The following ZMIZ1 variants were observed in gnomAD, a reference collection of about 807,000 sequenced individuals.
ZMIZ1 encodes the protein zinc finger MIZ domain-containing protein 1.
In ZMIZ1, 17 loss-of-function variants were observed where a neutral mutation model predicts 113.9. That is an observed-to-expected ratio of 0.15 (90% CI 0.10 to 0.22). The LOEUF is 0.22. ZMIZ1 is among the 10% of genes least tolerant of loss of function. The pLI is 1.00. For missense variants in ZMIZ1, 1,059 were observed against 1,477.8 expected (o/e 0.72, Z 4.65); for synonymous variants, 607 against 603.1 (o/e 1.01, Z -0.09).
intron 24 of ZMIZ1, among the ~76,000 whole-genome samples, chr10:79,311,905 C>T (rs971854914): frequency 2.0e-5 from 3 of 152,148 alleles, no homozygotes; most frequent in African/African-American, 4.8e-5. Context: ...GGCTTGTCCT[C>T]GGCCCCTCCT....
At chr10:79,301,269 T>G (rs937822101) in intron 17 of ZMIZ1, among the ~76,000 whole-genome samples, 33 of 152,248 alleles carry the variant, frequency 2.2e-4, no homozygotes, top group African/African-American at 7.5e-4. Context: ...ATTGGTGCAG[T>G]TCTGTGTTCC....
chr10:79,311,273 GC>G, intron 24 of ZMIZ1, 89 bp downstream of exon 24: 2 of 317,890 alleles, frequency 6.3e-6, no homozygotes, highest in Non-Finnish European at 1.1e-5. Flanking sequence ...AGGGCTCGAG[GC>G]CCCGAAGGGA....
At chr10:79,105,849 A>G (rs1295837557) in intron 1 of ZMIZ1, among the ~76,000 whole-genome samples, 1 of 152,264 alleles carries the variant, frequency 6.6e-6, no homozygotes. Flanking sequence ...AATGACAAAC[A>G]TCAGGAAGAT....
chr10:79,127,611 G>A (rs922178847), intron 2 of ZMIZ1, among the ~76,000 whole-genome samples: 2 of 152,172 alleles, frequency 1.3e-5, no homozygotes, highest in African/African-American at 4.8e-5. Flanking sequence ...GGGAACTGGA[G>A]TCAGAGAAGA....
intron 7 of ZMIZ1, among the ~76,000 whole-genome samples, chr10:79,256,886 A>T (rs548532179): frequency 3.3e-5 from 5 of 152,178 alleles, no homozygotes; most frequent in African/African-American, 1.2e-4. Context: ...TAGTTTTTCC[A>T]TTAAGAAAAT....
chr10:79,258,252 T>C (rs910559901), intron 7 of ZMIZ1, among the ~76,000 whole-genome samples: 9 of 152,152 alleles, frequency 5.9e-5, no homozygotes, highest in Non-Finnish European at 1.2e-4. Flanking sequence ...GGGGTGGTTA[T>C]GCACGCCTGT....
chr10:79,181,681 C>A (rs1847127457), intron 4 of ZMIZ1, among the ~76,000 whole-genome samples: 2 of 152,346 alleles, frequency 1.3e-5, no homozygotes, highest in Admixed American at 6.5e-5. Flanking sequence ...TTTGTGACCC[C>A]CTCTGGGCCT....
chr10:79,187,105 G>T (rs931067490), intron 4 of ZMIZ1, among the ~76,000 whole-genome samples: 7 of 152,222 alleles, frequency 4.6e-5, no homozygotes, highest in African/African-American at 1.7e-4. Flanking sequence ...GGAAATCAGT[G>T]ATGTCATCTT....
chr10:79,231,352 A>G (rs1413562011), intron 7 of ZMIZ1, among the ~76,000 whole-genome samples: 1 of 152,118 alleles, frequency 6.6e-6, no homozygotes, highest in Non-Finnish European at 1.5e-5. Flanking sequence ...GGTTCAAGCG[A>G]TCCTCTTGCC....
intron 1 of ZMIZ1, among the ~76,000 whole-genome samples, chr10:79,101,651 G>A (rs1422207507): frequency 6.6e-6 from 1 of 152,188 alleles, no homozygotes; most frequent in Non-Finnish European, 1.5e-5. Flanking sequence ...TAGTCTCTAG[G>A]TAGGCAACTG....
At chr10:79,221,370 G>C (rs1411378762) in intron 7 of ZMIZ1, among the ~76,000 whole-genome samples, 1 of 152,226 alleles carries the variant, frequency 6.6e-6, no homozygotes, top group East Asian at 1.9e-4. Context: ...CGCGGCCCTG[G>C]ACGCCCAGCC....
At chr10:79,159,813 A>G (rs946554074) in intron 3 of ZMIZ1, among the ~76,000 whole-genome samples, 1 of 152,128 alleles carries the variant, frequency 6.6e-6, no homozygotes, top group Admixed American at 6.5e-5. Context: ...GGGTGACCCT[A>G]GCTGGGTCCC....
At chr10:79,180,511 T>C (rs1847072793) in intron 4 of ZMIZ1, among the ~76,000 whole-genome samples, 1 of 152,160 alleles carries the variant, frequency 6.6e-6, no homozygotes, top group Admixed American at 6.5e-5. Context: ...AGGGCTTGCA[T>C]CTGAGGGCGA....
At chr10:79,195,320 G>A (rs1325888703) in intron 4 of ZMIZ1, among the ~76,000 whole-genome samples, 1 of 152,248 alleles carries the variant, frequency 6.6e-6, no homozygotes, top group Non-Finnish European at 1.5e-5. Flanking sequence ...CCCCCATGCT[G>A]ATTAGCTTTG....
rs764061457 is a variant in ZMIZ1 at position 79,300,627 on chromosome 10, C to T, written c.1809-105C>T. 40 of 1,357,554 alleles carry T rather than the reference C, an allele frequency of 2.9e-5. 1 individual carries two copies. Among genetic ancestry groups the T allele is most frequent in the South Asian group, 6.8e-5 (5 of 73,808 alleles). The allele number at this position is 1,357,554 out of a possible 1,614,324, so 84.1% of individuals were successfully genotyped here. On this transcript the variant is annotated intron_variant, in intron 16 of 24. Coordinates refer to ENST00000334512, the MANE Select transcript of ZMIZ1 (RefSeq NM_020338.4). ...GTCAGGGATGGGGTCCTGAGGATCTCGGAGGTTGTGGTGTGTTTAGAGGTG... is the reference window on the plus strand; with the variant it reads ...GTCAGGGATGGGGTCCTGAGGATCTTGGAGGTTGTGGTGTGTTTAGAGGTG...
At chr10:79,143,917 A>G (rs1418456938) in intron 3 of ZMIZ1, among the ~76,000 whole-genome samples, 1 of 152,112 alleles carries the variant, frequency 6.6e-6, no homozygotes, top group Non-Finnish European at 1.5e-5. Context: ...AGACTTTTCC[A>G]GGCTGAGAAT....
At chr10:79,222,206 G>A (rs2132738338) in intron 7 of ZMIZ1, among the ~76,000 whole-genome samples, 1 of 152,220 alleles carries the variant, frequency 6.6e-6, no homozygotes, top group South Asian at 2.1e-4. Context: ...ATGCATACAA[G>A]TTGCCAGCAT....
chr10:79,238,303 G>A (rs1281505005), intron 7 of ZMIZ1, among the ~76,000 whole-genome samples: 1 of 152,180 alleles, frequency 6.6e-6, no homozygotes, highest in Non-Finnish European at 1.5e-5. Flanking sequence ...TATAGGATTT[G>A]GGTGGAAGCC....
At position 79,079,971 on chromosome 10, in the gene ZMIZ1, G is replaced by A. The variant is rs142137866; in HGVS notation, c.-337+10701G>A. ...CTGGCACTTATATTGAGGGGCACAC[G>A]GTGTCTTCAGATTGCCCGGCTGGTG... On this transcript the variant is annotated intron_variant, in intron 1 of 24. Coordinates refer to ENST00000334512, the MANE Select transcript of ZMIZ1 (RefSeq NM_020338.4). Among the ~76,000 whole-genome samples, 17 of 152,372 alleles carry A rather than the reference G, an allele frequency of 1.1e-4. No homozygotes were observed. The East Asian group carries it at 1.7e-3, about 16-fold the overall frequency.
Sources: allele counts gnomAD v4.1 joint callset (sites outside exome capture counted in the v4.1 genomes callset), GRCh38; gene constraint gnomAD v4.1.1; transcripts MANE v1.5; gene names NCBI Gene and HGNC (gene_info 2026-07-23, HGNC 2026-07-21).